The following DAB1 variants were observed in gnomAD, a reference collection of about 807,000 sequenced individuals.
The protein encoded by DAB1 is DAB adaptor protein 1.
Under a neutral mutation model 64.6 loss-of-function variants are expected in DAB1, and 15 were observed. The observed-to-expected ratio is 0.23, with a 90% confidence interval of 0.16 to 0.36. The LOEUF is 0.36. Among genes scored for constraint, DAB1 ranks in the 10% least tolerant of loss-of-function variants. The pLI, the probability that DAB1 is intolerant of heterozygous loss-of-function variation, is 1.00. For synonymous variants in DAB1, 235 were observed against 251.9 expected, an observed-to-expected ratio of 0.93 and a Z score of 0.64; for missense variants, 596 against 706.7, an observed-to-expected ratio of 0.84 and a Z score of 1.78.
intron 7 of DAB1, among the ~76,000 whole-genome samples, chr1:57,438,490 T>A (rs977715508): frequency 3.3e-5 from 5 of 152,128 alleles, no homozygotes; most frequent in African/African-American, 1.2e-4. Context: ...CAAAAGAGCA[T>A]CTGGTCACTC....
chr1:57,271,175 A>G (rs1670966931), intron 2 of DAB1, among the ~76,000 whole-genome samples: 1 of 152,086 alleles, frequency 6.6e-6, no homozygotes, highest in Non-Finnish European at 1.5e-5. Context: ...AAGTCCCCCA[A>G]GTTTTCATCT....
intron 2 of DAB1, among the ~76,000 whole-genome samples, chr1:57,147,908 T>A (rs1367399882): frequency 6.6e-5 from 10 of 152,202 alleles, no homozygotes; most frequent in African/African-American, 2.4e-4. Context: ...TGAACTTAGA[T>A]TTGTCTCATG....
chr1:58,214,472 T>C (rs1022867731), intron 4 of DAB1, among the ~76,000 whole-genome samples: 1 of 151,732 alleles, frequency 6.6e-6, no homozygotes, highest in Non-Finnish European at 1.5e-5. Flanking sequence ...ACCAGGAGAG[T>C]GTGGCAGAGA....
chr1:58,353,807 T>C (rs1644081720), intron 3 of DAB1, among the ~76,000 whole-genome samples: 1 of 133,212 alleles, frequency 7.5e-6, no homozygotes, highest in Admixed American at 8.3e-5. Context: ...CACAAGAACT[T>C]TTCTTGTTTA....
At chr1:57,236,017 T>C (rs1299552282) in intron 2 of DAB1, among the ~76,000 whole-genome samples, 1 of 152,222 alleles carries the variant, frequency 6.6e-6, no homozygotes, top group African/African-American at 2.4e-5. Flanking sequence ...GGTGGTACCC[T>C]GATATCTAGT....
At chr1:57,017,823 ATC>A (rs1646484317) in intron 11 of DAB1, among the ~76,000 whole-genome samples, 1 of 152,094 alleles carries the variant, frequency 6.6e-6, no homozygotes, top group Non-Finnish European at 1.5e-5. Context: ...AGTGGCTTAA[ATC>A]TACCAACAGA....
intron 5 of DAB1, among the ~76,000 whole-genome samples, chr1:58,083,072 C>T (rs899177773): frequency 1.3e-5 from 2 of 152,150 alleles, no homozygotes; most frequent in African/African-American, 2.4e-5. Flanking sequence ...GCCTTTTTCT[C>T]CTCAGCTCTG....
At chr1:57,651,170 T>C (rs1003846625) in intron 6 of DAB1, among the ~76,000 whole-genome samples, 125 of 151,646 alleles carry the variant, frequency 8.2e-4, no homozygotes, top group African/African-American at 3.0e-3. Context: ...AAAAAAAAGA[T>C]CTTATGGTTA....
chr1:57,465,614 T>C (rs575902718), intron 7 of DAB1, among the ~76,000 whole-genome samples: 1 of 152,354 alleles, frequency 6.6e-6, no homozygotes, highest in South Asian at 2.1e-4. Flanking sequence ...AAAGATGACA[T>C]CAGAATTGGG....
intron 4 of DAB1, among the ~76,000 whole-genome samples, chr1:58,188,447 A>G (rs1241657425): frequency 2.0e-5 from 3 of 152,224 alleles, no homozygotes; most frequent in Non-Finnish European, 4.4e-5. Flanking sequence ...GTGACTGGGT[A>G]TTCAGGTACT....
At chr1:57,071,156 C>A in intron 6 of DAB1, 95 bp from the exon 7 acceptor site, 1 of 1,208,896 alleles carries the variant, frequency 8.3e-7, no homozygotes, top group Non-Finnish European at 1.2e-6. Flanking sequence ...GTAAAGAAAC[C>A]AGCTCTGGGC....
At chr1:57,152,353 C>T (rs1659769062) in intron 2 of DAB1, among the ~76,000 whole-genome samples, 2 of 152,144 alleles carry the variant, frequency 1.3e-5, no homozygotes, top group South Asian at 2.1e-4. Context: ...AAACTAATTG[C>T]CAACAACTAA....
chr1:57,260,472 T>A (rs895787561), intron 2 of DAB1, among the ~76,000 whole-genome samples: 1 of 152,140 alleles, frequency 6.6e-6, no homozygotes, highest in African/African-American at 2.4e-5. Flanking sequence ...GGATTCCACA[T>A]CCAGCAGTGA....
At chr1:57,298,178 G>A (rs1022796981) in intron 1 of DAB1, among the ~76,000 whole-genome samples, 18 of 151,752 alleles carry the variant, frequency 1.2e-4, no homozygotes, top group African/African-American at 4.1e-4. Context: ...TGGCAATTTG[G>A]AAAAGGCCTA....
chr1:57,249,177 G>C (rs542705530), intron 2 of DAB1, among the ~76,000 whole-genome samples: 71 of 152,046 alleles, frequency 4.7e-4, no homozygotes, highest in African/African-American at 1.7e-3. Flanking sequence ...AGTCAAAGTA[G>C]CACAGTAACT....
chr1:58,111,106 A>G (rs1371028223), intron 5 of DAB1, among the ~76,000 whole-genome samples: 1 of 152,218 alleles, frequency 6.6e-6, no homozygotes, highest in Non-Finnish European at 1.5e-5. Flanking sequence ...AGTCAAGACC[A>G]TATCAATACA....
At chr1:57,032,254 G>C (rs758039673) in intron 9 of DAB1, among the ~76,000 whole-genome samples, 1 of 152,094 alleles carries the variant, frequency 6.6e-6, no homozygotes, top group African/African-American at 2.4e-5. Flanking sequence ...CCTTCAGTGG[G>C]CAGACATGGG....
At chr1:58,326,264 G>A (rs1006904048) in intron 4 of DAB1, among the ~76,000 whole-genome samples, 1 of 152,168 alleles carries the variant, frequency 6.6e-6, no homozygotes, top group Admixed American at 6.5e-5. Flanking sequence ...TTCAGATTGC[G>A]ATTTTTAAAT....
intron 5 of DAB1, among the ~76,000 whole-genome samples, chr1:57,925,210 T>A (rs757919307): frequency 1.3e-4 from 20 of 152,066 alleles, no homozygotes; most frequent in Non-Finnish European, 1.0e-4. Flanking sequence ...ATTAGAAGAG[T>A]ATGTGTTGAG....
Sources: gnomAD v4.1 joint callset for allele counts (sites outside exome capture counted in the v4.1 genomes callset) on GRCh38, gnomAD v4.1.1 for gene constraint, MANE v1.5 for transcripts, NCBI Gene and HGNC (gene_info 2026-07-23, HGNC 2026-07-21) for gene names.